The following PCCA variants were observed in gnomAD, a reference collection of about 807,000 sequenced individuals.
PCCA encodes the protein propionyl-CoA carboxylase alpha chain, mitochondrial.
A neutral mutation model predicts 101.3 loss-of-function variants in PCCA; 74 were observed. That is an observed-to-expected ratio of 0.73 (90% CI 0.61 to 0.89). PCCA has a LOEUF of 0.89. PCCA is among the 40% of genes least tolerant of loss of function. The pLI is 0.00. For synonymous variants in PCCA, 294 were observed against 313.6 expected (o/e 0.94, Z 0.66); for missense variants, 891 against 907.0 (o/e 0.98, Z 0.23).
chr13:100,281,485 T>C (rs1254470123), intron 12 of PCCA, among the ~76,000 whole-genome samples: 1 of 152,214 alleles, frequency 6.6e-6, no homozygotes, highest in South Asian at 2.1e-4. Flanking sequence ...CCTAGGAACA[T>C]GTCCCCCAAG....
intron 20 of PCCA, among the ~76,000 whole-genome samples, chr13:100,434,711 C>G (rs945721006): frequency 6.6e-6 from 1 of 152,244 alleles, no homozygotes; most frequent in South Asian, 2.1e-4. Flanking sequence ...CTGCACAATC[C>G]ACGTCTGGCC....
chr13:100,439,549 C>T (rs1244007233), intron 20 of PCCA, among the ~76,000 whole-genome samples: 2 of 151,888 alleles, frequency 1.3e-5, no homozygotes, highest in South Asian at 2.1e-4. Flanking sequence ...TGTCTATATT[C>T]CTGTGAAGTA....
chr13:100,438,120 A>G (rs1453948664), intron 20 of PCCA, among the ~76,000 whole-genome samples: 1 of 151,434 alleles, frequency 6.6e-6, no homozygotes, highest in Non-Finnish European at 1.5e-5. Context: ...TTTTTTCTTG[A>G]AGGCAAACCT....
rs879368897 is a variant in PCCA at position 100,194,070 on chromosome 13, C to CAA, written c.469-15250_469-15249dup. Among the ~76,000 whole-genome samples, 156 of 121,774 alleles carry CAA rather than the reference C, an allele frequency of 1.3e-3. 4 individuals carry two copies. The South Asian group carries it at 0.032, about 25-fold the overall frequency. 79.9% of individuals were successfully genotyped at this position (121,774 alleles called of 152,430 possible). ...TGGGTGACAGAGCAAGCCTCCGTCT[C>CAA]AAAAAAAAAAAAAGAAATCATGATC... On this transcript the variant is annotated intron_variant, in intron 6 of 23. Transcript: ENST00000376285.
intron 6 of PCCA, among the ~76,000 whole-genome samples, chr13:100,206,771 G>T (rs2058880681): frequency 6.6e-6 from 1 of 152,146 alleles, no homozygotes; most frequent in Non-Finnish European, 1.5e-5. Flanking sequence ...CCTGAAGCAG[G>T]TCCTAAGACC....
At chr13:100,458,278 A>G (rs1595986876) in intron 21 of PCCA, among the ~76,000 whole-genome samples, 1 of 87,310 alleles carries the variant, frequency 1.1e-5, no homozygotes, top group Admixed American at 1.7e-4. Context: ...CCTGGGCAAC[A>G]GTGGGACCCC....
intron 10 of PCCA, among the ~76,000 whole-genome samples, chr13:100,265,977 G>C (rs1415540281): frequency 5.3e-5 from 8 of 152,182 alleles, no homozygotes; most frequent in Non-Finnish European, 7.3e-5. Context: ...GATAAATCAA[G>C]GTTGAAATGC....
intron 6 of PCCA, among the ~76,000 whole-genome samples, chr13:100,183,039 G>C (rs1319625596): frequency 3.3e-5 from 5 of 152,156 alleles, no homozygotes; most frequent in Non-Finnish European, 7.3e-5. Context: ...TGAGTGTTGT[G>C]TACAGGAAGG....
At chr13:100,520,376 G>A (rs1047131459) in intron 22 of PCCA, among the ~76,000 whole-genome samples, 3 of 151,920 alleles carry the variant, frequency 2.0e-5, no homozygotes, top group East Asian at 1.9e-4. Context: ...GGCCGGGCGC[G>A]GTGGCTCACG....
intron 21 of PCCA, among the ~76,000 whole-genome samples, chr13:100,476,224 A>G (rs1351948462): frequency 6.6e-6 from 1 of 152,232 alleles, no homozygotes; most frequent in African/African-American, 2.4e-5. Context: ...ATGTTGTAAA[A>G]TTTTGAGATT....
intron 4 of PCCA, among the ~76,000 whole-genome samples, chr13:100,126,564 CG>C (rs1398838481): frequency 6.6e-6 from 1 of 151,706 alleles, no homozygotes. Flanking sequence ...TTTGCTGTAG[CG>C]GGGGGTCTCT....
intron 15 of PCCA, among the ~76,000 whole-genome samples, 174 bp from the exon 16 acceptor site, chr13:100,309,659 A>G (rs2066749261): frequency 2.0e-5 from 3 of 152,200 alleles, no homozygotes. Context: ...CTTGATTCTA[A>G]TATTTATATA....
chr13:100,151,959 T>C (rs2152376640), intron 4 of PCCA, among the ~76,000 whole-genome samples: 1 of 139,434 alleles, frequency 7.2e-6, no homozygotes, highest in Middle Eastern at 3.5e-3. Flanking sequence ...AGCATCTGCA[T>C]TGCTTGAATA....
chr13:100,451,964 T>C (rs1278224359), intron 21 of PCCA, among the ~76,000 whole-genome samples: 1 of 47,852 alleles, frequency 2.1e-5, no homozygotes, highest in African/African-American at 1.1e-4. Context: ...CTCCTCTCCC[T>C]CTCTCTCCTC....
rs1200562758 is a variant in PCCA at position 100,235,885 on chromosome 13, C to G, written c.637+7C>G. On this transcript the variant is annotated splice_region_variant and intron_variant, in intron 8 of 23. Transcript: ENST00000376285. ...AGAATTGCAAGGGAAATTGGTAAGT[C>G]CTTAAATTAACTTTGGTAGGATTTC... 1 of 1,587,988 alleles carries G rather than the reference C, an allele frequency of 6.3e-7. No individual in the cohort carries two copies. The highest frequency in any genetic ancestry group is 8.6e-7 in the Non-Finnish European group (1 of 1,156,306).
chr13:100,149,468 G>C (rs747799100), intron 4 of PCCA: 2 of 152,030 alleles, frequency 1.3e-5, no homozygotes, highest in Non-Finnish European at 2.9e-5. Context: ...CCCCATTCCA[G>C]GCTCGCCACA....
chr13:100,376,275 GTGTC>G (rs1170646186), intron 19 of PCCA, among the ~76,000 whole-genome samples: 1 of 152,222 alleles, frequency 6.6e-6, no homozygotes, highest in Non-Finnish European at 1.5e-5. Flanking sequence ...CCTGTGTGAT[GTGTC>G]TGTCAATCCC....
intron 16 of PCCA, among the ~76,000 whole-genome samples, chr13:100,320,909 G>C (rs988077811): frequency 1.3e-5 from 2 of 152,000 alleles, no homozygotes; most frequent in Admixed American, 1.3e-4. Flanking sequence ...GCCACCCTAC[G>C]CGGCTAATTT....
At chr13:100,188,294 A>AAAAACAAAAC (rs60307671) in intron 6 of PCCA, among the ~76,000 whole-genome samples, 2,642 of 147,002 alleles carry the variant, frequency 0.018, 50 homozygotes, top group African/African-American at 0.049. Flanking sequence ...TCTGTCTCAA[A>AAAAACAAAAC]AAAACAAAAC....
Sources: allele counts gnomAD v4.1 joint callset (sites outside exome capture counted in the v4.1 genomes callset), GRCh38; gene constraint gnomAD v4.1.1; transcripts MANE v1.5; gene names NCBI Gene and HGNC (gene_info 2026-07-23, HGNC 2026-07-21).